ITFG1: variants seen among roughly 807,000 people sequenced by gnomAD.
The protein encoded by ITFG1 is T-cell immunomodulatory protein.
ITFG1 carries 34 observed loss-of-function variants against 81.8 expected under a neutral mutation model. The ratio of observed to expected loss-of-function variants is 0.42; its 90% CI spans 0.32 to 0.55. The LOEUF is 0.55. Ranked by LOEUF, ITFG1 falls within the 20% of genes least tolerant of loss-of-function variation. The pLI, the probability that ITFG1 is intolerant of heterozygous loss-of-function variation, is 0.17. For missense variants in ITFG1, 672 were observed against 755.4 expected (o/e 0.89, Z 1.29); for synonymous variants, 285 against 270.6 (o/e 1.05, Z -0.52).
rs566942922 is a variant in ITFG1, at chr16:47,155,534, A to G, written c.*185T>C. The G allele has an allele frequency of 2.2e-6, 1 of 464,774 alleles. No individual in the cohort carries two copies. Among genetic ancestry groups the G allele is most frequent in the South Asian group, 3.9e-5 (1 of 25,972 alleles). 28.8% of individuals were successfully genotyped at this position (464,774 alleles called of 1,614,324 possible). ...ATAGAGAACCCAAATTTTTATATACAAAGTGCTTTAAAAAAAAAGACCTTG... is the reference window on the plus strand; with the variant it reads ...ATAGAGAACCCAAATTTTTATATACGAAGTGCTTTAAAAAAAAAGACCTTG... On this transcript the variant is annotated 3_prime_UTR_variant, in exon 18 of 18. Transcript: ENST00000320640.
chr16:47,301,392 C>T (rs1454242937), intron 10 of ITFG1, among the ~76,000 whole-genome samples: 1 of 151,330 alleles, frequency 6.6e-6, no homozygotes, highest in Non-Finnish European at 1.5e-5. Context: ...TTTTCTTTTT[C>T]TTTTCTTCTT....
At chr16:47,455,801 G>T (rs1034108415) in intron 2 of ITFG1, among the ~76,000 whole-genome samples, 14 of 143,324 alleles carry the variant, frequency 9.8e-5, no homozygotes, top group African/African-American at 2.8e-4. Flanking sequence ...AAAAAAAAAG[G>T]ACTTAGAATT....
At chr16:47,380,686 T>C (rs961812229) in intron 6 of ITFG1, among the ~76,000 whole-genome samples, 4 of 152,168 alleles carry the variant, frequency 2.6e-5, no homozygotes, top group African/African-American at 4.8e-5. Context: ...GGCGACTATA[T>C]TGGACCCCTT....
chr16:47,162,030 G>T (rs1194947261), intron 15 of ITFG1, among the ~76,000 whole-genome samples, 198 bp from the exon 16 acceptor site: 1 of 152,144 alleles, frequency 6.6e-6, no homozygotes, highest in Non-Finnish European at 1.5e-5. Flanking sequence ...TTTTGGGAAA[G>T]ATTATATTTG....
chr16:47,319,627 A>G (rs1170561206), intron 8 of ITFG1, among the ~76,000 whole-genome samples: 6 of 152,110 alleles, frequency 3.9e-5, no homozygotes, highest in Admixed American at 3.9e-4. Context: ...TTTTTGCAGA[A>G]AGAATTACTA....
intron 8 of ITFG1, among the ~76,000 whole-genome samples, chr16:47,354,327 G>A (rs1168568693): frequency 6.6e-6 from 1 of 152,122 alleles, no homozygotes; most frequent in African/African-American, 2.4e-5. Flanking sequence ...AATAAATGGT[G>A]TTGGGAAAAT....
chr16:47,441,283 T>G (rs1455375336), intron 5 of ITFG1, among the ~76,000 whole-genome samples: 5 of 152,184 alleles, frequency 3.3e-5, no homozygotes, highest in African/African-American at 1.2e-4. Flanking sequence ...CTTCTGAAAC[T>G]ATTCCAATCA....
intron 12 of ITFG1, among the ~76,000 whole-genome samples, chr16:47,256,061 G>C (rs753659553): frequency 6.6e-6 from 1 of 151,528 alleles, no homozygotes; most frequent in Non-Finnish European, 1.5e-5. Context: ...TGCAACCTCT[G>C]CCTCCCAGGC....
At chr16:47,156,743 A>G (rs1398845924) in intron 17 of ITFG1, among the ~76,000 whole-genome samples, 1 of 152,228 alleles carries the variant, frequency 6.6e-6, no homozygotes, top group African/African-American at 2.4e-5. Context: ...AGCTGGGGTT[A>G]CAACATGATC....
chr16:47,274,251 TC>T (rs1258737199), intron 10 of ITFG1, among the ~76,000 whole-genome samples: 1 of 151,736 alleles, frequency 6.6e-6, no homozygotes, highest in Admixed American at 6.6e-5. Context: ...AGGGACTCCA[TC>T]TCATAAAAAG....
intron 14 of ITFG1, among the ~76,000 whole-genome samples, chr16:47,166,778 A>ATTT (rs1964895459): frequency 6.6e-6 from 1 of 152,158 alleles, no homozygotes; most frequent in African/African-American, 2.4e-5. Flanking sequence ...CACCCAAATT[A>ATTT]GTTTGCACCC....
At chr16:47,246,610 C>T (rs767851350) in intron 12 of ITFG1, among the ~76,000 whole-genome samples, 10 of 152,148 alleles carry the variant, frequency 6.6e-5, no homozygotes, top group African/African-American at 9.7e-5. Context: ...GACATCTATA[C>T]GGCTATGCAG....
chr16:47,445,114 A>G (rs1969307134), intron 5 of ITFG1, among the ~76,000 whole-genome samples: 1 of 117,940 alleles, frequency 8.5e-6, no homozygotes, highest in Non-Finnish European at 1.6e-5. Context: ...TGTACATTAA[A>G]AAAAAAAAAA....
At chr16:47,247,842 C>T (rs16954067) in intron 12 of ITFG1, among the ~76,000 whole-genome samples, 14,858 of 151,906 alleles carry the variant, frequency 0.098, 1,467 homozygotes, top group African/African-American at 0.25. Context: ...TTAAAGGGCT[C>T]TTTGTGTAAG....
chr16:47,286,840 T>A (rs1966871383), intron 10 of ITFG1, among the ~76,000 whole-genome samples: 1 of 152,112 alleles, frequency 6.6e-6, no homozygotes, highest in Middle Eastern at 3.2e-3. Context: ...GAGGTATGGA[T>A]TACTATCCCT....
chr16:47,162,995 C>T (rs548529263), intron 14 of ITFG1, among the ~76,000 whole-genome samples: 6 of 152,100 alleles, frequency 3.9e-5, no homozygotes, highest in African/African-American at 9.6e-5. Flanking sequence ...TTTGTGGAGA[C>T]GGGGTCTTAC....
intron 10 of ITFG1, among the ~76,000 whole-genome samples, chr16:47,300,718 A>AAGG (rs1967062618): frequency 2.0e-5 from 3 of 152,256 alleles, no homozygotes; most frequent in Non-Finnish European, 4.4e-5. Flanking sequence ...AGAGTTTAAT[A>AAGG]TAAAAAAGAC....
At chr16:47,215,138 G>A (rs1965610349) in intron 14 of ITFG1, among the ~76,000 whole-genome samples, 1 of 152,096 alleles carries the variant, frequency 6.6e-6, no homozygotes, top group Non-Finnish European at 1.5e-5. Context: ...GCTGCTCTAG[G>A]AGAAAACCAA....
chr16:47,368,976 A>T (rs1260150733), intron 7 of ITFG1, among the ~76,000 whole-genome samples: 1 of 152,204 alleles, frequency 6.6e-6, no homozygotes, highest in African/African-American at 2.4e-5. Flanking sequence ...ACAACACTTT[A>T]TTAGACAACT....
Sources: gnomAD v4.1 joint callset for allele counts (sites outside exome capture counted in the v4.1 genomes callset) on GRCh38, gnomAD v4.1.1 for gene constraint, MANE v1.5 for transcripts, NCBI Gene and HGNC (gene_info 2026-07-23, HGNC 2026-07-21) for gene names.